Variants in TAFA2 observed in about 807,000 individuals in gnomAD.
The protein encoded by TAFA2 is TAFA chemokine like family member 2, also known as chemokine-like protein TAFA-2.
A neutral mutation model predicts 18.8 loss-of-function variants in TAFA2; 7 were observed. The ratio of observed to expected loss-of-function variants is 0.37; its 90% confidence interval spans 0.21 to 0.70. TAFA2 has a LOEUF of 0.70. TAFA2 is among the 30% of genes least tolerant of loss of function. The probability of loss-of-function intolerance (pLI) is 0.53; values close to 1 mark genes in which losing one functional copy is unlikely to be tolerated. For missense variants in TAFA2, 122 were observed against 158.1 expected, an observed-to-expected ratio of 0.77 and a Z score of 1.23; for synonymous variants, 60 against 54.2, an observed-to-expected ratio of 1.11 and a Z score of -0.47.
chr12:61,838,337 A>G (rs1057112135), intron 2 of TAFA2, among the ~76,000 whole-genome samples: 2 of 152,142 alleles, frequency 1.3e-5, no homozygotes, highest in Admixed American at 1.3e-4. Context: ...TTTGCTTCCA[A>G]TAAATCCCGC....
chr12:61,880,526 C>A (rs1210192023), intron 1 of TAFA2: 4 of 514,184 alleles, frequency 7.8e-6, no homozygotes. Flanking sequence ...AGAGAGCTGG[C>A]AAGAGTCTAG....
At chr12:61,883,969 C>T (rs569857113) in intron 1 of TAFA2, among the ~76,000 whole-genome samples, 78 of 152,254 alleles carry the variant, frequency 5.1e-4, no homozygotes, top group Middle Eastern at 3.4e-3. Context: ...ATTTCTTACA[C>T]TAAGTAGGTC....
intron 1 of TAFA2, among the ~76,000 whole-genome samples, chr12:61,985,351 A>G (rs893816801): frequency 1.3e-5 from 2 of 152,238 alleles, no homozygotes; most frequent in Admixed American, 1.3e-4. Flanking sequence ...ATAAAGGACA[A>G]ACGATTAAAC....
chr12:61,826,253 C>G (rs924335277), intron 2 of TAFA2, among the ~76,000 whole-genome samples: 7 of 151,948 alleles, frequency 4.6e-5, no homozygotes, highest in African/African-American at 1.7e-4. Flanking sequence ...CACAACCTGA[C>G]AGTACTACCC....
At chr12:62,235,529 T>G in intron 1 of TAFA2, 2 of 467,320 alleles carry the variant, frequency 4.3e-6, no homozygotes, top group Non-Finnish European at 7.9e-6. Flanking sequence ...GACTAGGTGG[T>G]GTCTAGACTC....
intron 2 of TAFA2, among the ~76,000 whole-genome samples, chr12:61,838,821 A>G (rs1873047084): frequency 1.3e-5 from 2 of 152,054 alleles, no homozygotes; most frequent in African/African-American, 4.8e-5. Flanking sequence ...AACGTTATTA[A>G]AAGGTATGTT....
At chr12:61,738,183 C>A (rs773000117) in intron 4 of TAFA2, among the ~76,000 whole-genome samples, 3 of 151,858 alleles carry the variant, frequency 2.0e-5, no homozygotes, top group Non-Finnish European at 2.9e-5. Context: ...GCAAGGGTGA[C>A]TCAGCATTCA....
Position 61,812,123 on chromosome 12 carries a change from G to A in TAFA2, c.106+55197C>T, listed in dbSNP as rs535918001. ...TTAGCAGCATGATGCAACCTGGCCT[G>A]GGAGTTTCCAGGAGACAAGACCACC... On this transcript the variant is annotated intron_variant, in intron 2 of 4. Coordinates refer to ENST00000416284, the MANE Select transcript of TAFA2 (RefSeq NM_178539.5). 7.1e-4 allele frequency among the ~76,000 whole-genome samples: 108 copies of A among 151,452 alleles called. 7 individuals carry two copies. Among genetic ancestry groups the A allele is most frequent in the African/African-American group, 2.6e-3 (108 of 40,758 alleles).
At chr12:61,713,080 C>T (rs983435903) in intron 4 of TAFA2, among the ~76,000 whole-genome samples, 3 of 152,194 alleles carry the variant, frequency 2.0e-5, no homozygotes, top group African/African-American at 7.2e-5. Context: ...TAGCCTAAAG[C>T]TTCCTCCTTA....
intron 2 of TAFA2, among the ~76,000 whole-genome samples, chr12:61,762,146 C>A (rs989262015): frequency 6.6e-6 from 1 of 152,048 alleles, no homozygotes; most frequent in African/African-American, 2.4e-5. Context: ...AATTAAACCT[C>A]TTTTCTTTAT....
chr12:61,915,105 G>C (rs868259026), intron 1 of TAFA2, among the ~76,000 whole-genome samples: 1 of 152,138 alleles, frequency 6.6e-6, no homozygotes, highest in Non-Finnish European at 1.5e-5. Context: ...AGGTTGTGGT[G>C]AGCCAAGATC....
chr12:61,824,893 G>T (rs941977134), intron 2 of TAFA2, among the ~76,000 whole-genome samples: 6 of 152,206 alleles, frequency 3.9e-5, no homozygotes, highest in Middle Eastern at 3.4e-3. Context: ...TTGTAATACT[G>T]TATGTCTTAA....
rs1233077540 is a variant in TAFA2 at position 61,709,345 on chromosome 12, A to AT, written c.*1060dup. 1 of 152,210 alleles carries AT rather than the reference A, an allele frequency of 6.6e-6. No individual in the cohort carries two copies. Among genetic ancestry groups the AT allele is most frequent in the Admixed American group, 6.6e-5 (1 of 15,248 alleles). The allele number at this position is 152,210 out of a possible 1,614,324, so 9.4% of individuals were successfully genotyped here. A position where few individuals can be genotyped will look rare whatever the true frequency, so the allele number is the denominator to read the frequency against. The stretch of plus-strand genomic sequence containing the variant: ...AATTTGAGACTGAGGAAAATGAACA[A>AT]TTTTTTCTATCAACAGATTGAACAA... On this transcript the variant is annotated 3_prime_UTR_variant, in exon 5 of 5. Coordinates refer to ENST00000416284, the MANE Select transcript of TAFA2 (RefSeq NM_178539.5).
intron 1 of TAFA2, among the ~76,000 whole-genome samples, chr12:61,910,088 GTGTGTGTGTGTT>G (rs1473159018): frequency 2.0e-4 from 20 of 100,436 alleles, no homozygotes; most frequent in Admixed American, 3.7e-4. Context: ...GTGCTTGTGT[GTGTGTGTGTGTT>G]TGTGTGTGTG....
chr12:61,779,303 G>C (rs1336206164), intron 2 of TAFA2, among the ~76,000 whole-genome samples: 9 of 151,788 alleles, frequency 5.9e-5, no homozygotes, highest in Non-Finnish European at 2.9e-5. Context: ...AAGCTAAGTA[G>C]AATGAGGAGA....
intron 1 of TAFA2, among the ~76,000 whole-genome samples, chr12:61,995,815 A>G (rs1301163891): frequency 6.6e-6 from 1 of 152,106 alleles, no homozygotes; most frequent in African/African-American, 2.4e-5. Context: ...GGTTGATAAA[A>G]CATGTTCTAA....
chr12:62,033,375 C>T (rs1881514360), intron 1 of TAFA2, among the ~76,000 whole-genome samples: 1 of 152,162 alleles, frequency 6.6e-6, no homozygotes, highest in African/African-American at 2.4e-5. Context: ...ATGCAGACCA[C>T]TGACACAGAC....
At chr12:61,832,490 G>T (rs1485152289) in intron 2 of TAFA2, among the ~76,000 whole-genome samples, 6 of 151,978 alleles carry the variant, frequency 3.9e-5, no homozygotes, top group Non-Finnish European at 8.8e-5. Flanking sequence ...AGCCAATAAA[G>T]TGTTCCCAGC....
chr12:61,720,042 T>A (rs959738339), intron 4 of TAFA2, among the ~76,000 whole-genome samples: 4 of 152,104 alleles, frequency 2.6e-5, no homozygotes, highest in Non-Finnish European at 5.9e-5. Flanking sequence ...TTTGCTTTTT[T>A]TTTTCTTTTT....
Sources: allele counts gnomAD v4.1 joint callset (sites outside exome capture counted in the v4.1 genomes callset), GRCh38; gene constraint gnomAD v4.1.1; transcripts MANE v1.5; gene names NCBI Gene and HGNC (gene_info 2026-07-23, HGNC 2026-07-21).